The following CNKSR3 variants were observed in gnomAD, a reference collection of about 807,000 sequenced individuals.
CNKSR3 encodes CNKSR family member 3, also known as connector enhancer of kinase suppressor of ras 3.
In CNKSR3, 36 loss-of-function variants were observed where a neutral mutation model predicts 67.7. That is an observed-to-expected ratio of 0.53 (90% CI 0.41 to 0.70). CNKSR3 has a LOEUF of 0.70. Ranked by LOEUF, CNKSR3 falls within the 30% of genes least tolerant of loss-of-function variation. CNKSR3 has a pLI of 0.00. For synonymous variants in CNKSR3, 281 were observed against 271.4 expected, an observed-to-expected ratio of 1.04 and a Z score of -0.35; for missense variants, 630 against 695.2, an observed-to-expected ratio of 0.91 and a Z score of 1.05.
At chr6:154,419,026 C>T (rs1785080140) in intron 9 of CNKSR3, among the ~76,000 whole-genome samples, 1 of 143,418 alleles carries the variant, frequency 7.0e-6, no homozygotes, top group Non-Finnish European at 1.5e-5. Context: ...TGACATTACT[C>T]TCTTGCTTTT....
chr6:154,422,170 T>C (rs1354429337), intron 9 of CNKSR3, among the ~76,000 whole-genome samples: 2 of 152,006 alleles, frequency 1.3e-5, no homozygotes, highest in East Asian at 3.9e-4. Context: ...TTTTTTGTAT[T>C]TTTAGTAGAG....
rs201772181 is a variant in CNKSR3 at position 154,410,899 on chromosome 6, C to T, written c.1279+35G>A. ...AGGGGGCGGGGAGGAGAAGTCAAGG[C>T]CAACGGCAGAACAAAACAAACACTT... On this transcript the variant is annotated intron_variant, in intron 11 of 12. Transcript: ENST00000607772. 14 of 1,556,362 alleles carry T rather than the reference C, an allele frequency of 9.0e-6. No individual in the cohort carries two copies. In the Admixed American group the frequency reaches 1.8e-4, roughly 20 times the overall value.
intron 4 of CNKSR3, among the ~76,000 whole-genome samples, chr6:154,437,163 C>T (rs1785488564): frequency 6.6e-6 from 1 of 152,030 alleles, no homozygotes; most frequent in South Asian, 2.1e-4. Flanking sequence ...AACTTTTATT[C>T]CTCCAATTCC....
chr6:154,408,456 T>C (rs73011441), intron 12 of CNKSR3, among the ~76,000 whole-genome samples: 4,076 of 152,354 alleles, frequency 0.027, 91 homozygotes, highest in Non-Finnish European at 0.044. Flanking sequence ...TATTTTCTCA[T>C]GCCTTCCATG....
intron 1 of CNKSR3, among the ~76,000 whole-genome samples, chr6:154,499,333 G>A (rs150611454): frequency 6.6e-6 from 1 of 152,278 alleles, no homozygotes; most frequent in African/African-American, 2.4e-5. Context: ...CCACATGAGT[G>A]GTGTAGACCC....
chr6:154,510,065 C>T lies in CNKSR3; in HGVS notation c.50G>A (p.Arg17Lys). 6.2e-7 allele frequency: 1 copy of T among 1,614,094 alleles called. No homozygotes were observed. The change falls in exon 1 of 13, where the codon AGA becomes AAA. Residue 17 changes from arginine to lysine, a missense_variant and splice_region_variant. Physicochemically the swap from Arg to Lys is conservative, Grantham distance 26. Around this residue, in one of 3 missense-constraint regions of CNKSR3, gnomAD observed 189 missense variants for 205.0 expected, o/e 0.92. Transcript: ENST00000607772. ...GGACCCCCCCAAGGCCCGCGCACCT[C>T]TAGTCCAGTCCACCACTTGTTTGGG... ...WSPKQVVDWT[R>K]GLDDCLQQYV... is the part of the protein sequence containing the mutation.
At chr6:154,425,195 G>A (rs1274804691) in intron 7 of CNKSR3, among the ~76,000 whole-genome samples, 1 of 152,246 alleles carries the variant, frequency 6.6e-6, no homozygotes, top group African/African-American at 2.4e-5. Flanking sequence ...AATCGGTCCA[G>A]TCCAGTTAAT....
rs571155058 is a variant in CNKSR3 at position 154,413,049 on chromosome 6, A to T, written c.1070+1250T>A. 3.3e-5 allele frequency among the ~76,000 whole-genome samples: 5 copies of T among 152,038 alleles called. No homozygotes were observed. The East Asian group carries it at 9.7e-4, about 29-fold the overall frequency. On this transcript the variant is annotated intron_variant, in intron 10 of 12. Coordinates refer to ENST00000607772, the MANE Select transcript of CNKSR3 (RefSeq NM_173515.4). ...AATAAGCCTAGATCACACCTAAATCATCCTGTACACTCTATATACCACCCT... is the reference window on the plus strand; with the variant it reads ...AATAAGCCTAGATCACACCTAAATCTTCCTGTACACTCTATATACCACCCT...
chr6:154,457,435 G>A (rs1785982202), intron 1 of CNKSR3, among the ~76,000 whole-genome samples: 1 of 152,178 alleles, frequency 6.6e-6, no homozygotes, highest in African/African-American at 2.4e-5. Context: ...AAACCCAGCA[G>A]TGGGCCAGAT....
chr6:154,400,683 T>G lies in CNKSR3; in HGVS notation c.*5671A>C, dbSNP rs1434090131. The G allele has an allele frequency of 6.6e-6, 1 of 152,154 alleles. No homozygotes were observed. The highest frequency in any genetic ancestry group is 2.4e-5 in the African/African-American group (1 of 41,436). 9.4% of individuals were successfully genotyped at this position (152,154 alleles called of 1,614,324 possible). A position where few individuals can be genotyped will look rare whatever the true frequency, so the allele number is the denominator to read the frequency against. ...CACATATATAGGGTTTGGGACAGAC[T>G]CCACACCCCTAAAACTAGAGGAAAA... On this transcript the variant is annotated 3_prime_UTR_variant, in exon 13 of 13. Coordinates refer to ENST00000607772, the MANE Select transcript of CNKSR3 (RefSeq NM_173515.4).
intron 1 of CNKSR3, among the ~76,000 whole-genome samples, chr6:154,479,298 T>A (rs1389991823): frequency 6.6e-6 from 1 of 151,596 alleles, no homozygotes; most frequent in Non-Finnish European, 1.5e-5. Context: ...GTGAGGCAAA[T>A]AAAATTGTAG....
rs1784594508 is a variant in CNKSR3 at position 154,390,755 on chromosome 6, G to A, written c.*15599C>T. 2 of 151,074 alleles carry A rather than the reference G, an allele frequency of 1.3e-5. No homozygotes were observed. The highest frequency in any genetic ancestry group is 4.2e-4 in the South Asian group (2 of 4,760). The allele number at this position is 151,074 out of a possible 1,614,324, so 9.4% of individuals were successfully genotyped here. On this transcript the variant is annotated 3_prime_UTR_variant, in exon 13 of 13. Coordinates refer to ENST00000607772, the MANE Select transcript of CNKSR3 (RefSeq NM_173515.4). ...TGTGTCTTCTCACAGCTCTGCAGGT[G>A]GAAGACTGATCAAGGTGTCAGCAGC...
chr6:154,504,028 A>G (rs1787047765), intron 1 of CNKSR3, among the ~76,000 whole-genome samples: 1 of 152,210 alleles, frequency 6.6e-6, no homozygotes, highest in South Asian at 2.1e-4. Flanking sequence ...GGCAGGCCCA[A>G]GCTTCTGCAT....
chr6:154,395,103 A>G lies in CNKSR3; in HGVS notation c.*11251T>C, dbSNP rs1427163102. The G allele has an allele frequency of 6.6e-6, 1 of 152,244 alleles. No homozygotes were observed. The highest frequency in any genetic ancestry group is 6.5e-5 in the Admixed American group (1 of 15,280). The allele number at this position is 152,244 out of a possible 1,614,324, so 9.4% of individuals were successfully genotyped here. On this transcript the variant is annotated 3_prime_UTR_variant, in exon 13 of 13. Transcript: ENST00000607772. ...ACGGAGGTGCCCAGGGCAGGAGAGC[A>G]GGGCTTCCTGGCAAGCTTAGGACGC...
Position 154,388,803 on chromosome 6 carries a change from T to A in CNKSR3, c.*17551A>T, listed in dbSNP as rs192772282. 1 of 152,320 alleles carries A rather than the reference T, an allele frequency of 6.6e-6. No individual in the cohort carries two copies. Among genetic ancestry groups the A allele is most frequent in the Non-Finnish European group, 1.5e-5 (1 of 68,038 alleles). 9.4% of individuals were successfully genotyped at this position (152,320 alleles called of 1,614,324 possible). ...CTTTTATCCTCTGGGAGCCTCCCAT[T>A]TCCTCTCATTGATGAGAATTTGCCC... On this transcript the variant is annotated 3_prime_UTR_variant, in exon 13 of 13. Coordinates refer to ENST00000607772, the MANE Select transcript of CNKSR3 (RefSeq NM_173515.4).
chr6:154,452,749 A>G (rs745314941), intron 1 of CNKSR3, among the ~76,000 whole-genome samples: 2 of 152,246 alleles, frequency 1.3e-5, no homozygotes, highest in African/African-American at 2.4e-5. Flanking sequence ...GGCTCAATCC[A>G]TATGACTCGT....
At chr6:154,499,162 G>A (rs953427902) in intron 1 of CNKSR3, among the ~76,000 whole-genome samples, 1 of 152,200 alleles carries the variant, frequency 6.6e-6, no homozygotes, top group African/African-American at 2.4e-5. Flanking sequence ...CTGCAGAAAG[G>A]ACACTTACAA....
In CNKSR3 at chr6:154,414,335, T is replaced by C; in HGVS notation, c.1034A>G (p.Tyr345Cys). 1 of 1,611,396 alleles carries C rather than the reference T, an allele frequency of 6.2e-7. No individual in the cohort carries two copies. Among genetic ancestry groups the C allele is most frequent in the Non-Finnish European group, 8.5e-7 (1 of 1,178,982 alleles). ...KKEKSAILDL[Y>C]IPPPPAVPYS... ...GGGAACAGCAGGCGGAGGAGGAATA[T>C]AAAGATCCAGGATGGCTGACTTCTC... Residue 345 changes from tyrosine to cysteine, a missense_variant, in exon 10 of 13, where the codon TAT (tyrosine) becomes TGT (cysteine). Transcript: ENST00000607772.
At chr6:154,479,287 T>C (rs78140408) in intron 1 of CNKSR3, among the ~76,000 whole-genome samples, 1,876 of 152,128 alleles carry the variant, frequency 0.012, 46 homozygotes, top group African/African-American at 0.043. Flanking sequence ...CTGTTTTCAA[T>C]GTGAGGCAAA....
Sources: gnomAD v4.1 joint callset for allele counts (sites outside exome capture counted in the v4.1 genomes callset) on GRCh38, gnomAD v4.1.1 for gene constraint, gnomAD v4.1.1 regional missense constraint, MANE v1.5 for transcripts, NCBI Gene and HGNC (gene_info 2026-07-23, HGNC 2026-07-21) for gene names.